DGKI: variants seen among roughly 807,000 people sequenced by gnomAD.
The protein encoded by DGKI is DAG kinase iota.
In DGKI, 55 loss-of-function variants were observed where a neutral mutation model predicts 147.5. That is an observed-to-expected ratio of 0.37 (90% CI 0.30 to 0.47). The LOEUF is 0.47. Ranked by LOEUF, DGKI falls within the 20% of genes least tolerant of loss-of-function variation. The pLI is 1.00. For synonymous variants in DGKI, 469 were observed against 477.1 expected (o/e 0.98, Z 0.22); for missense variants, 1,007 against 1,323.8 (o/e 0.76, Z 3.71).
intron 28 of DGKI, among the ~76,000 whole-genome samples, chr7:137,435,278 A>G (rs1813237515): frequency 6.6e-6 from 1 of 152,220 alleles, no homozygotes; most frequent in Non-Finnish European, 1.5e-5. Flanking sequence ...AACACACTCA[A>G]AAAAACAAAA....
intron 1 of DGKI, among the ~76,000 whole-genome samples, chr7:137,806,764 T>C (rs144009419): frequency 0.017 from 2,627 of 152,220 alleles, 92 homozygotes; most frequent in African/African-American, 0.059. Flanking sequence ...AGGACTAAGA[T>C]TGGCAATAGA....
chr7:137,496,120 C>A (rs1326728051), intron 21 of DGKI, among the ~76,000 whole-genome samples: 1 of 151,998 alleles, frequency 6.6e-6, no homozygotes, highest in African/African-American at 2.4e-5. Context: ...TTTCAGGATA[C>A]AAAATAAATG....
intron 1 of DGKI, among the ~76,000 whole-genome samples, chr7:137,758,787 C>G (rs1301539680): frequency 6.6e-6 from 1 of 151,914 alleles, no homozygotes; most frequent in African/African-American, 2.4e-5. Flanking sequence ...AGTGCTGGTG[C>G]TTTTTTGGGC....
chr7:137,541,550 A>G (rs1817704669), intron 20 of DGKI, among the ~76,000 whole-genome samples: 1 of 152,208 alleles, frequency 6.6e-6, no homozygotes, highest in African/African-American at 2.4e-5. Flanking sequence ...TTGAGCATCT[A>G]GAATCTAAGA....
At chr7:137,633,045 G>A (rs940381991) in intron 6 of DGKI, among the ~76,000 whole-genome samples, 11 of 151,206 alleles carry the variant, frequency 7.3e-5, no homozygotes, top group African/African-American at 2.2e-4. Context: ...AAACCCTGTC[G>A]CTACTAAAAA....
chr7:137,759,869 A>G (rs775905288), intron 1 of DGKI, among the ~76,000 whole-genome samples: 1 of 152,006 alleles, frequency 6.6e-6, no homozygotes, highest in Non-Finnish European at 1.5e-5. Flanking sequence ...AAAAAAACAG[A>G]GTCTTGATAT....
At chr7:137,548,824 G>A (rs1217449306) in intron 20 of DGKI, among the ~76,000 whole-genome samples, 1 of 152,072 alleles carries the variant, frequency 6.6e-6, no homozygotes, top group Non-Finnish European at 1.5e-5. Context: ...ATCTGGGCAT[G>A]GTAGCGCACA....
chr7:137,399,730 T>C (rs1442389168), intron 30 of DGKI, among the ~76,000 whole-genome samples: 1 of 152,004 alleles, frequency 6.6e-6, no homozygotes, highest in Non-Finnish European at 1.5e-5. Flanking sequence ...ACCAACATGG[T>C]GGAACCCCGT....
At chr7:137,587,368 C>T (rs892253204) in intron 12 of DGKI, among the ~76,000 whole-genome samples, 158 bp from the exon 13 acceptor site, 1 of 152,140 alleles carries the variant, frequency 6.6e-6, no homozygotes, top group Non-Finnish European at 1.5e-5. Context: ...ACAGAAAGGT[C>T]GCTTATCACA....
intron 20 of DGKI, among the ~76,000 whole-genome samples, chr7:137,534,543 G>C (rs1396890140): frequency 6.6e-6 from 1 of 151,930 alleles, no homozygotes; most frequent in Non-Finnish European, 1.5e-5. Flanking sequence ...TTTACAGAAA[G>C]TGAATTTGGG....
At chr7:137,392,528 T>C (rs933635250) in intron 32 of DGKI, among the ~76,000 whole-genome samples, 11 of 152,208 alleles carry the variant, frequency 7.2e-5, no homozygotes, top group Admixed American at 7.2e-4. Flanking sequence ...TCCCAACAGA[T>C]ACTGGCGACC....
intron 2 of DGKI, among the ~76,000 whole-genome samples, chr7:137,682,124 T>A (rs1312547636): frequency 6.6e-6 from 1 of 152,134 alleles, no homozygotes; most frequent in East Asian, 1.9e-4. Context: ...GTGTTTCTAG[T>A]GAGTTACTGA....
At chr7:137,698,968 A>T (rs1318002228) in intron 1 of DGKI, among the ~76,000 whole-genome samples, 1 of 152,204 alleles carries the variant, frequency 6.6e-6, no homozygotes, top group Non-Finnish European at 1.5e-5. Context: ...TGTCCATGAA[A>T]TGCTATCTTA....
chr7:137,550,230 A>G (rs573994127), intron 20 of DGKI, among the ~76,000 whole-genome samples: 1 of 146,840 alleles, frequency 6.8e-6, no homozygotes, highest in East Asian at 2.0e-4. Flanking sequence ...CAGTGGTGTG[A>G]TCTCGGCTCC....
Position 137,497,958 on chromosome 7 carries a change from G to C in DGKI, c.2249-10269C>G, listed in dbSNP as rs1205234713. ...TGCACATATACCCCTGAATCTAAAA[G>C]TTTTTTTAAAAATAGAAAATGAACT... On this transcript the variant is annotated intron_variant, in intron 21 of 32. Coordinates refer to ENST00000614521, the MANE Select transcript of DGKI (RefSeq NM_001321708.2). 2.6e-5 allele frequency among the ~76,000 whole-genome samples: 4 copies of C among 151,962 alleles called. No homozygotes were observed. In the East Asian group the frequency reaches 7.7e-4, roughly 29 times the overall value.
intron 21 of DGKI, among the ~76,000 whole-genome samples, chr7:137,501,153 C>T (rs1375743346): frequency 1.3e-5 from 2 of 152,110 alleles, no homozygotes; most frequent in African/African-American, 4.8e-5. Context: ...TTTCACTTAA[C>T]ATCCTGTCCT....
intron 1 of DGKI, among the ~76,000 whole-genome samples, chr7:137,788,246 A>G (rs76839869): frequency 6.6e-6 from 1 of 152,130 alleles, no homozygotes; most frequent in East Asian, 1.9e-4. Context: ...TCAGTTCTGG[A>G]GCCACATTTC....
At chr7:137,412,907 G>A (rs1812215809) in intron 28 of DGKI, among the ~76,000 whole-genome samples, 1 of 152,122 alleles carries the variant, frequency 6.6e-6, no homozygotes, top group Non-Finnish European at 1.5e-5. Flanking sequence ...CTACTTTTAG[G>A]AATACGTAGC....
intron 30 of DGKI, among the ~76,000 whole-genome samples, chr7:137,407,316 C>A (rs1205638631): frequency 6.6e-6 from 1 of 152,110 alleles, no homozygotes; most frequent in Non-Finnish European, 1.5e-5. Context: ...TATTAGAAAT[C>A]CAGTTAGAAA....
Sources: gnomAD v4.1 joint callset for allele counts (sites outside exome capture counted in the v4.1 genomes callset) on GRCh38, gnomAD v4.1.1 for gene constraint, MANE v1.5 for transcripts, NCBI Gene and HGNC (gene_info 2026-07-23, HGNC 2026-07-21) for gene names.